The following IMMP2L variants were observed in gnomAD, a reference collection of about 807,000 sequenced individuals.
IMMP2L encodes the protein mitochondrial inner membrane protease subunit 2.
IMMP2L carries 18 observed loss-of-function variants against 19.3 expected under a neutral mutation model. That is an observed-to-expected ratio of 0.93 (90% confidence interval 0.64 to 1.38). The LOEUF is 1.38. IMMP2L is among the 40% of genes most tolerant of loss of function. The pLI is 0.00. For synonymous variants in IMMP2L, 76 were observed against 73.0 expected, an observed-to-expected ratio of 1.04 and a Z score of -0.21; for missense variants, 233 against 218.2, an observed-to-expected ratio of 1.07 and a Z score of -0.43.
rs1838642765 is a variant in IMMP2L, at chr7:111,447,673, C to T, written c.239+39565G>A. On this transcript the variant is annotated intron_variant, in intron 3 of 5. Coordinates refer to ENST00000405709, the MANE Select transcript of IMMP2L (RefSeq NM_032549.4). ...ACTAAGGAACGAAATCACCAGCTAACATCATAATGACAGGATCAAATTCAC... is the reference window on the plus strand; with the variant it reads ...ACTAAGGAACGAAATCACCAGCTAATATCATAATGACAGGATCAAATTCAC... Among the ~76,000 whole-genome samples, 3 of 151,506 alleles carry T rather than the reference C, an allele frequency of 2.0e-5. No homozygotes were observed. The South Asian group carries it at 6.3e-4, about 32-fold the overall frequency.
At chr7:111,324,816 A>G (rs1825140668) in intron 3 of IMMP2L, among the ~76,000 whole-genome samples, 1 of 151,922 alleles carries the variant, frequency 6.6e-6, no homozygotes, top group South Asian at 2.1e-4. Context: ...TAAAATTCAA[A>G]GTGCAAACAA....
chr7:111,241,661 G>C (rs1185842136), intron 3 of IMMP2L, among the ~76,000 whole-genome samples: 1 of 151,440 alleles, frequency 6.6e-6, no homozygotes, highest in Non-Finnish European at 1.5e-5. Flanking sequence ...CTAGCCAAAT[G>C]TATATTGTGC....
At chr7:111,229,445 T>C (rs1353313294) in intron 3 of IMMP2L, among the ~76,000 whole-genome samples, 1 of 152,028 alleles carries the variant, frequency 6.6e-6, no homozygotes, top group Non-Finnish European at 1.5e-5. Context: ...GGTAATTGCT[T>C]TTCCTTAGGG....
chr7:111,175,124 G>A (rs978792424), intron 3 of IMMP2L, among the ~76,000 whole-genome samples: 3 of 151,718 alleles, frequency 2.0e-5, no homozygotes, highest in African/African-American at 7.3e-5. Flanking sequence ...TATGTATTCC[G>A]GCTTTATGCA....
intron 5 of IMMP2L, among the ~76,000 whole-genome samples, chr7:110,805,406 A>G (rs767327578): frequency 6.6e-6 from 1 of 152,096 alleles, no homozygotes; most frequent in Non-Finnish European, 1.5e-5. Context: ...GTAAAGCTGT[A>G]GAATGAACGA....
At chr7:111,333,867 C>G (rs978596427) in intron 3 of IMMP2L, among the ~76,000 whole-genome samples, 3 of 152,020 alleles carry the variant, frequency 2.0e-5, no homozygotes, top group Admixed American at 1.3e-4. Context: ...ATTGTGGGAC[C>G]TCACCTTGTG....
intron 4 of IMMP2L, among the ~76,000 whole-genome samples, chr7:110,925,618 A>G (rs1162293266): frequency 1.3e-5 from 2 of 152,066 alleles, no homozygotes; most frequent in African/African-American, 4.8e-5. Context: ...TACTTAAATG[A>G]AAGAACATTA....
chr7:111,531,540 A>G lies in IMMP2L; in HGVS notation c.-2-10091T>C, dbSNP rs550805559. ...TGCAAAAAGTTTACCATAAAAATTA[A>G]TAAGACAGTGAATAGCTTTTTACAG... On this transcript the variant is annotated intron_variant, in intron 1 of 5. Coordinates refer to ENST00000405709, the MANE Select transcript of IMMP2L (RefSeq NM_032549.4). 7.9e-5 allele frequency among the ~76,000 whole-genome samples: 12 copies of G among 152,278 alleles called. No individual in the cohort carries two copies. The South Asian group carries it at 2.5e-3, about 32-fold the overall frequency.
At chr7:111,444,932 C>A (rs1284913571) in intron 3 of IMMP2L, among the ~76,000 whole-genome samples, 4 of 152,042 alleles carry the variant, frequency 2.6e-5, no homozygotes, top group African/African-American at 7.2e-5. Context: ...ACATGAAATA[C>A]TTTAGACTTA....
At chr7:111,396,329 T>C (rs770606887) in intron 3 of IMMP2L, among the ~76,000 whole-genome samples, 6 of 151,924 alleles carry the variant, frequency 3.9e-5, no homozygotes, top group Non-Finnish European at 5.9e-5. Context: ...TATGCAGCCA[T>C]AAAAAGAATA....
At chr7:111,548,883 CT>C (rs1849189445) in intron 1 of IMMP2L, among the ~76,000 whole-genome samples, 1 of 152,148 alleles carries the variant, frequency 6.6e-6, no homozygotes, top group South Asian at 2.1e-4. Context: ...CTAGCATTTT[CT>C]TCCTACAAAC....
At chr7:110,939,201 C>G (rs1816441163) in intron 4 of IMMP2L, among the ~76,000 whole-genome samples, 1 of 152,068 alleles carries the variant, frequency 6.6e-6, no homozygotes, top group South Asian at 2.1e-4. Context: ...TTTAACTGGT[C>G]TGAAATGGGA....
intron 5 of IMMP2L, among the ~76,000 whole-genome samples, chr7:110,701,427 T>A (rs956975430): frequency 6.6e-6 from 1 of 152,102 alleles, no homozygotes; most frequent in Non-Finnish European, 1.5e-5. Flanking sequence ...ATTTTTTTTT[T>A]AATTTTTGTT....
At chr7:110,784,276 C>A (rs1799929065) in intron 5 of IMMP2L, among the ~76,000 whole-genome samples, 1 of 151,836 alleles carries the variant, frequency 6.6e-6, no homozygotes, top group African/African-American at 2.4e-5. Context: ...TGCATGGTCT[C>A]AAAACTCATG....
chr7:110,935,086 T>C (rs936702556), intron 4 of IMMP2L, among the ~76,000 whole-genome samples: 4 of 152,202 alleles, frequency 2.6e-5, no homozygotes, highest in Non-Finnish European at 5.9e-5. Context: ...AGTTCCTTCA[T>C]AGTGTTGATG....
chr7:111,290,153 C>CAT (rs1312194285), intron 3 of IMMP2L, among the ~76,000 whole-genome samples: 7 of 152,166 alleles, frequency 4.6e-5, no homozygotes, highest in African/African-American at 1.7e-4. Context: ...AAGTCCACAT[C>CAT]ATTCTTAATT....
intron 5 of IMMP2L, among the ~76,000 whole-genome samples, chr7:110,783,898 C>A (rs913435016): frequency 6.6e-6 from 1 of 151,770 alleles, no homozygotes; most frequent in Non-Finnish European, 1.5e-5. Context: ...ATTCCTAAAC[C>A]CCATGGAGCT....
chr7:110,889,444 T>C (rs957529977), intron 4 of IMMP2L, among the ~76,000 whole-genome samples: 13 of 152,124 alleles, frequency 8.5e-5, no homozygotes, highest in Non-Finnish European at 1.6e-4. Context: ...CACATGCGCA[T>C]TTCACAACAG....
At chr7:110,771,629 T>A (rs979358750) in intron 5 of IMMP2L, among the ~76,000 whole-genome samples, 3 of 152,170 alleles carry the variant, frequency 2.0e-5, no homozygotes, top group African/African-American at 7.2e-5. Flanking sequence ...TGTTCACACA[T>A]AGAATAGTAC....
Sources: allele counts gnomAD v4.1 joint callset (sites outside exome capture counted in the v4.1 genomes callset), GRCh38; gene constraint gnomAD v4.1.1; transcripts MANE v1.5; gene names NCBI Gene and HGNC (gene_info 2026-07-23, HGNC 2026-07-21).